The following IFI27 variants were observed in gnomAD, a reference collection of about 807,000 sequenced individuals.
IFI27 encodes the protein interferon alpha inducible protein 27, also known as interferon alpha-inducible protein 27, mitochondrial.
A neutral mutation model predicts 8.9 loss-of-function variants in IFI27; 3 were observed. The ratio of observed to expected loss-of-function variants is 0.34; its 90% CI spans 0.15 to 0.87. IFI27 has a LOEUF of 0.87. Ranked by LOEUF, IFI27 falls within the 40% of genes least tolerant of loss-of-function variation. The pLI is 0.51. For synonymous variants in IFI27, 66 were observed against 67.3 expected (o/e 0.98, Z 0.09); for missense variants, 152 against 157.7 (o/e 0.96, Z 0.19).
chr14:94,112,669 G>A (rs1419969641), intron 2 of IFI27, among the ~76,000 whole-genome samples: 1 of 152,226 alleles, frequency 6.6e-6, no homozygotes, highest in Admixed American at 6.5e-5. Flanking sequence ...CTCTGTTTGA[G>A]CCTGCACTCA....
At chr14:94,109,974 A>C (rs1012781094), upstream of IFI27, among the ~76,000 whole-genome samples, 4 of 152,212 alleles carry the variant, frequency 2.6e-5, no homozygotes, top group African/African-American at 9.7e-5. Flanking sequence ...TCAGGACACA[A>C]GATCAAGTCC....
rs538887711 is a variant in IFI27, at chr14:94,115,699, C to T, written c.122-82C>T. 63 of 1,423,648 alleles carry T rather than the reference C, an allele frequency of 4.4e-5. No homozygotes were observed. The South Asian group carries it at 7.8e-4, about 18-fold the overall frequency. 88.2% of individuals were successfully genotyped at this position (1,423,648 alleles called of 1,614,324 possible). ...AAGTTCACCTCTTTCTCCAGATCCCCTGGGGTCCCCAAGCCTGACTCAGTG... is the reference window on the plus strand; with the variant it reads ...AAGTTCACCTCTTTCTCCAGATCCCTTGGGGTCCCCAAGCCTGACTCAGTG... On this transcript the variant is annotated intron_variant, in intron 3 of 4. Coordinates refer to ENST00000621160, the Ensembl canonical transcript of IFI27.
upstream of IFI27, among the ~76,000 whole-genome samples, chr14:94,106,106 C>G (rs10150227): frequency 0.63 from 95,078 of 152,080 alleles, 31,270 homozygotes; most frequent in East Asian, 0.95. Context: ...TTTGTAAATA[C>G]TGCTTTCTGT....
In IFI27 at chr14:94,116,177, G is replaced by A. The variant is rs528527490; in HGVS notation, c.283+235G>A. The A allele has an allele frequency of 9.8e-4, 694 of 710,950 alleles. 14 individuals carry two copies. The highest frequency in any genetic ancestry group is 8.9e-3 in the South Asian group (593 of 66,556). 44.0% of individuals were successfully genotyped at this position (710,950 alleles called of 1,614,324 possible). On this transcript the variant is annotated intron_variant, in intron 4 of 4. Transcript: ENST00000621160. The surrounding 1 kb of genome is among the most constrained non-coding windows in gnomAD (Gnocchi z 4.3). ...GCAGATTTGCTGGGTTACCTGGGGC[G>A]TCTCCTCCCCTCTGGGGTGCAGCCT... is the stretch of plus-strand genomic sequence containing the variant.
At chr14:94,114,972 T>TGACCACCCATGTGAGGGAAA in intron 3 of IFI27, 92 bp downstream of exon 3, 1 of 1,202,280 alleles carries the variant, frequency 8.3e-7, no homozygotes, top group Non-Finnish European at 1.2e-6. Context: ...AATGTTTCCC[T>TGACCACCCATGTGAGGGAAA]CACATGGGTG....
At chr14:94,115,243 G>A in intron 3 of IFI27, 1 of 584,586 alleles carries the variant, frequency 1.7e-6, no homozygotes, top group Non-Finnish European at 3.2e-6. Context: ...GGTCAGGATT[G>A]CATAGGGTGA....
chr14:94,115,632 A>G (rs1341450938), intron 3 of IFI27, 149 bp from the exon 4 acceptor site: 3 of 759,414 alleles, frequency 4.0e-6, no homozygotes, highest in African/African-American at 3.6e-5. Context: ...GCTCCCCTTG[A>G]TTCGTGCCTA....
At chr14:94,115,359 A>G (rs1225224622) in intron 3 of IFI27, 1 of 521,442 alleles carries the variant, frequency 1.9e-6, no homozygotes, top group Admixed American at 2.3e-5. Flanking sequence ...GGAGCCCTAG[A>G]GCTGTCTCTT....
upstream of IFI27, among the ~76,000 whole-genome samples, chr14:94,107,661 A>G (rs1887033025): frequency 6.6e-6 from 1 of 152,214 alleles, no homozygotes; most frequent in Non-Finnish European, 1.5e-5. Flanking sequence ...GGTTTTGTTT[A>G]ACCTAATACA....
Position 94,111,868 on chromosome 14 carries a change from GA to G in IFI27, c.91+96del. On this transcript the variant is annotated intron_variant, in intron 2 of 4. Coordinates refer to ENST00000621160, the Ensembl canonical transcript of IFI27. This position sits in a 1 kb window ranked among gnomAD's most constrained non-coding sequence, Gnocchi z 4.3. ...GGGACCCGTGGGAGAGAAAATGGGG[GA>G]CACCCGCAGCCTTGCTGCCCTGTCC... The G allele has an allele frequency of 1.1e-6, 1 of 951,750 alleles. No individual in the cohort carries two copies. The highest frequency in any genetic ancestry group is 1.7e-6 in the Non-Finnish European group (1 of 584,712). The allele number at this position is 951,750 out of a possible 1,614,324, so 59.0% of individuals were successfully genotyped here. A position where few individuals can be genotyped will look rare whatever the true frequency, so the allele number is the denominator to read the frequency against.
At chr14:94,105,988 T>A (rs1887010201), upstream of IFI27, 1 of 152,212 alleles carries the variant, frequency 6.6e-6, no homozygotes, top group South Asian at 2.1e-4. Context: ...TACCATAGAC[T>A]AGGTAGCTTA....
rs140643844 is a variant in IFI27, at chr14:94,115,843, G to A, written c.184G>A (p.Ala62Thr). Reference sequence around the variant, plus strand: ...CATGGGCTTCACTGCGGCGGGAATCGCCTCGTCCTCCATAGCAGCCAAGAT... The same window carrying A: ...CATGGGCTTCACTGCGGCGGGAATCACCTCGTCCTCCATAGCAGCCAAGAT... Residue 62 changes from alanine to threonine, a missense_variant, in exon 4 of 5, where the codon GCC becomes ACC. Physicochemically the swap from Ala to Thr is moderately conservative, Grantham distance 58 (BLOSUM62 0). Coordinates refer to ENST00000621160, the Ensembl canonical transcript of IFI27. The A allele has an allele frequency of 8.7e-4, 1,391 of 1,601,742 alleles. 2 individuals are homozygous for A. Among genetic ancestry groups the A allele is most frequent in the Non-Finnish European group, 1.2e-3 (1,356 of 1,173,854 alleles).
At chr14:94,112,194 T>C in intron 2 of IFI27, 1 of 177,800 alleles carries the variant, frequency 5.6e-6, no homozygotes, top group Non-Finnish European at 1.2e-5. Flanking sequence ...ATTCTTCAGC[T>C]CACTTTTTTC....
chr14:94,111,935 G>A lies in IFI27; in HGVS notation c.91+162G>A. The A allele has an allele frequency of 1.5e-6, 1 of 670,482 alleles. No homozygotes were observed. Among genetic ancestry groups the A allele is most frequent in the Non-Finnish European group, 2.7e-6 (1 of 374,150 alleles). The allele number at this position is 670,482 out of a possible 1,614,324, so 41.5% of individuals were successfully genotyped here. A position where few individuals can be genotyped will look rare whatever the true frequency, so the allele number is the denominator to read the frequency against. On this transcript the variant is annotated intron_variant, in intron 2 of 4. Coordinates refer to ENST00000621160, the Ensembl canonical transcript of IFI27. This position sits in a 1 kb window ranked among gnomAD's most constrained non-coding sequence, Gnocchi z 4.3. Reference sequence around the variant, plus strand: ...GGCGTCCACCCTAACTTTCCATCTGGGAGGGGGCCCGGGGCAGGCAGACTC... The same window carrying A: ...GGCGTCCACCCTAACTTTCCATCTGAGAGGGGGCCCGGGGCAGGCAGACTC...
At chr14:94,112,646 C>T (rs1384762831) in intron 2 of IFI27, among the ~76,000 whole-genome samples, 1 of 152,230 alleles carries the variant, frequency 6.6e-6, no homozygotes, top group African/African-American at 2.4e-5. Flanking sequence ...TGACCCCTGC[C>T]CCAACCTCTA....
chr14:94,111,578 T>C lies in IFI27; in HGVS notation c.-58-47T>C, dbSNP rs937954359. On this transcript the variant is annotated intron_variant, in intron 1 of 4. Coordinates refer to ENST00000621160, the Ensembl canonical transcript of IFI27. The surrounding 1 kb of genome is among the most constrained non-coding windows in gnomAD (Gnocchi z 4.3). ...ATTTTTCAGGACAGTGGGAAGCAAG[T>C]CAGGTTGTGTGCCCATCCCGTCCTC... 4.5e-6 allele frequency: 4 copies of C among 885,318 alleles called. No homozygotes were observed. Among genetic ancestry groups the C allele is most frequent in the Non-Finnish European group, 7.5e-6 (4 of 533,420 alleles). 54.8% of individuals were successfully genotyped at this position (885,318 alleles called of 1,614,324 possible).
chr14:94,105,979 A>G (rs564471202), upstream of IFI27: 11 of 152,348 alleles, frequency 7.2e-5, no homozygotes, highest in East Asian at 2.1e-3. Flanking sequence ...GTAACAAAAT[A>G]CCATAGACTA....
chr14:94,115,789 A>G (rs1419490956), exon 4 of IFI27: 6 of 640,282 alleles, frequency 9.4e-6, no homozygotes, highest in East Asian at 5.5e-5. Context: ...AGTTGTGGCC[A>G]TGGCGGCTGT....
upstream of IFI27, among the ~76,000 whole-genome samples, chr14:94,106,685 A>C (rs572092077): frequency 4.6e-5 from 7 of 152,322 alleles, no homozygotes; most frequent in African/African-American, 1.7e-4. Context: ...AAAGAGGTGT[A>C]CTTGGCTCAT....
Sources: allele counts gnomAD v4.1 joint callset (sites outside exome capture counted in the v4.1 genomes callset), GRCh38; gene constraint gnomAD v4.1.1; non-coding constraint Gnocchi (gnomAD v3.1); transcripts MANE v1.5; gene names NCBI Gene and HGNC (gene_info 2026-07-23, HGNC 2026-07-21).